The following NUFIP2 variants were observed in gnomAD, a reference collection of about 807,000 sequenced individuals.
The protein encoded by NUFIP2 is nuclear FMR1 interacting protein 2, also known as FMR1-interacting protein NUFIP2.
NUFIP2 carries 6 observed loss-of-function variants against 56.9 expected under a neutral mutation model. The ratio of observed to expected loss-of-function variants is 0.11; its 90% CI spans 0.06 to 0.21. The LOEUF is 0.21. NUFIP2 is among the 10% of genes least tolerant of loss of function. NUFIP2 has a pLI of 1.00. For synonymous variants in NUFIP2, 321 were observed against 298.2 expected (o/e 1.08, Z -0.79); for missense variants, 828 against 826.8 (o/e 1.00, Z -0.02).
At chr17:29,285,759 T>C (rs1220414610) in intron 2 of NUFIP2, among the ~76,000 whole-genome samples, 1 of 152,148 alleles carries the variant, frequency 6.6e-6, no homozygotes, top group Non-Finnish European at 1.5e-5. Flanking sequence ...GTAGGTCAAT[T>C]ATGTTTGTAT....
At chr17:29,285,948 A>G in intron 2 of NUFIP2, 44 bp downstream of exon 2, 1 of 1,412,474 alleles carries the variant, frequency 7.1e-7, no homozygotes, top group Non-Finnish European at 9.7e-7. Flanking sequence ...ACAATATACT[A>G]AATTGGCCAA....
chr17:29,289,643 T>C (rs1284871023), intron 1 of NUFIP2, among the ~76,000 whole-genome samples: 1 of 152,090 alleles, frequency 6.6e-6, no homozygotes, highest in Non-Finnish European at 1.5e-5. Flanking sequence ...TCCACACACA[T>C]TTAAGGCAGC....
At chr17:29,281,759 G>A (rs1342083555) in intron 2 of NUFIP2, among the ~76,000 whole-genome samples, 2 of 137,226 alleles carry the variant, frequency 1.5e-5, no homozygotes, top group Non-Finnish European at 3.1e-5. Context: ...CACAAATCCC[G>A]CCACCCCCCA....
At chr17:29,285,600 A>C (rs1304021019) in intron 2 of NUFIP2, among the ~76,000 whole-genome samples, 1 of 152,190 alleles carries the variant, frequency 6.6e-6, no homozygotes. Context: ...AAAGAAAAAA[A>C]ACACAAAACA....
At chr17:29,271,297 G>C (rs902470365) in intron 2 of NUFIP2, among the ~76,000 whole-genome samples, 1 of 152,162 alleles carries the variant, frequency 6.6e-6, no homozygotes, top group Non-Finnish European at 1.5e-5. Context: ...TCAGCACTTT[G>C]GGAGGCCGAG....
At chr17:29,273,237 C>A (rs1397752279) in intron 2 of NUFIP2, among the ~76,000 whole-genome samples, 1 of 152,166 alleles carries the variant, frequency 6.6e-6, no homozygotes, top group Non-Finnish European at 1.5e-5. Flanking sequence ...TGGGGTTTCA[C>A]CATACTGGCC....
intron 2 of NUFIP2, among the ~76,000 whole-genome samples, chr17:29,269,702 T>A (rs757079464): frequency 6.6e-6 from 1 of 151,890 alleles, no homozygotes. Context: ...GCTGGTCTAT[T>A]GGGCTCAAGC....
Position 29,286,521 on chromosome 17 carries a change from G to C in NUFIP2, c.1473C>G (p.Pro491=). 2 of 1,614,156 alleles carry C rather than the reference G, an allele frequency of 1.2e-6. No individual in the cohort carries two copies. Among genetic ancestry groups the C allele is most frequent in the African/African-American group, 1.3e-5 (1 of 75,036 alleles). The change falls in exon 2 of 4, where the codon CCC becomes CCG. Residue 491 remains proline, a synonymous_variant. Coordinates refer to ENST00000225388, the MANE Select transcript of NUFIP2 (RefSeq NM_020772.3). Reference sequence around the variant, plus strand: ...CCAGGTTTTGCTGATCTGTCTGAGAGGGCAGATCCACTTGTGCTGTGCTCA... The same window carrying C: ...CCAGGTTTTGCTGATCTGTCTGAGACGGCAGATCCACTTGTGCTGTGCTCA... ...MLLSTAQVDL[P]SQTDQQNLGD...
intron 2 of NUFIP2, among the ~76,000 whole-genome samples, chr17:29,281,122 C>T (rs1219578921): frequency 1.3e-5 from 2 of 149,122 alleles, no homozygotes; most frequent in Non-Finnish European, 3.0e-5. Flanking sequence ...TACACAGACA[C>T]CGTCACTATA....
intron 2 of NUFIP2, among the ~76,000 whole-genome samples, chr17:29,285,672 T>C (rs1165639046): frequency 2.0e-5 from 3 of 152,180 alleles, no homozygotes; most frequent in Admixed American, 2.0e-4. Flanking sequence ...AAAATTTTTT[T>C]TCAAGCACTC....
At chr17:29,289,629 A>C (rs2069198801) in intron 1 of NUFIP2, among the ~76,000 whole-genome samples, 1 of 152,162 alleles carries the variant, frequency 6.6e-6, no homozygotes, top group Non-Finnish European at 1.5e-5. Context: ...CAATAGAAGG[A>C]CACTCCACAC....
In NUFIP2 at chr17:29,285,975, G is replaced by A; in HGVS notation, c.2002+17C>T. The A allele has an allele frequency of 6.4e-7, 1 of 1,566,878 alleles. No individual in the cohort carries two copies. The highest frequency in any genetic ancestry group is 2.0e-5 in the Admixed American group (1 of 50,616). On this transcript the variant is annotated intron_variant, in intron 2 of 3. Coordinates refer to ENST00000225388, the MANE Select transcript of NUFIP2 (RefSeq NM_020772.3). ...ATTGGCCAATAAAAATCTTTGTATA[G>A]GAAACAAATGAGTTACCTTTAGTGT...
At chr17:29,273,867 A>G (rs1325070124) in intron 2 of NUFIP2, among the ~76,000 whole-genome samples, 1 of 152,222 alleles carries the variant, frequency 6.6e-6, no homozygotes, top group Non-Finnish European at 1.5e-5. Context: ...GACTTTCTAC[A>G]TAATACCTCC....
chr17:29,281,958 G>T (rs193054515), intron 2 of NUFIP2, among the ~76,000 whole-genome samples: 1 of 151,800 alleles, frequency 6.6e-6, no homozygotes, highest in Non-Finnish European at 1.5e-5. Flanking sequence ...TAGAGATGGG[G>T]TTTCACTGTT....
Position 29,287,404 on chromosome 17 carries a change from T to C in NUFIP2, c.590A>G (p.Tyr197Cys), listed in dbSNP as rs768487392. Residue 197 changes from tyrosine (Y) to cysteine (C), a missense_variant, in exon 2 of 4, where the codon TAT (tyrosine) becomes TGT (cysteine). By Grantham distance (194) the Tyr-to-Cys change is radical. Coordinates refer to ENST00000225388, the MANE Select transcript of NUFIP2 (RefSeq NM_020772.3). Reference protein sequence around the residue: ...PNGVVTNNSGYITNGYMGKGA... With the variant: ...PNGVVTNNSGCITNGYMGKGA... ...TTTACCCATATAACCATTAGTAATATAACCAGAATTATTTGTTACCACACC... is the reference window on the plus strand; with the variant it reads ...TTTACCCATATAACCATTAGTAATACAACCAGAATTATTTGTTACCACACC... 18 of 1,613,928 alleles carry C rather than the reference T, an allele frequency of 1.1e-5. No homozygotes were observed. Among genetic ancestry groups the C allele is most frequent in the Middle Eastern group, 3.3e-4 (2 of 6,084 alleles).
In NUFIP2 at chr17:29,261,268, CCACCTGA is replaced by C. The variant is rs1274238635; in HGVS notation, c.*3264_*3270del. ...AATACTACCCTTTTAAGGATTTAAACCACCTGACTTTTTTCTGTGTAATGAAAACAAA... is the reference window on the plus strand; with the variant it reads ...AATACTACCCTTTTAAGGATTTAAACCTTTTTTCTGTGTAATGAAAACAAA... On this transcript the variant is annotated 3_prime_UTR_variant, in exon 4 of 4. Coordinates refer to ENST00000225388, the MANE Select transcript of NUFIP2 (RefSeq NM_020772.3). The C allele has an allele frequency of 1.3e-5, 2 of 152,036 alleles. No homozygotes were observed. Among genetic ancestry groups the C allele is most frequent in the African/African-American group, 4.8e-5 (2 of 41,370 alleles). 9.4% of individuals were successfully genotyped at this position (152,036 alleles called of 1,614,324 possible).
At position 29,261,530 on chromosome 17, in the gene NUFIP2, T is replaced by G. The variant is rs1209472440; in HGVS notation, c.*3009A>C. 3 of 152,160 alleles carry G rather than the reference T, an allele frequency of 2.0e-5. No homozygotes were observed. Among genetic ancestry groups the G allele is most frequent in the Admixed American group, 1.3e-4 (2 of 15,266 alleles). The allele number at this position is 152,160 out of a possible 1,614,324, so 9.4% of individuals were successfully genotyped here. A position where few individuals can be genotyped will look rare whatever the true frequency, so the allele number is the denominator to read the frequency against. The stretch of plus-strand genomic sequence containing the variant: ...ACTAATACTCTGAGTTGAAGGAAAA[T>G]TCTTTATACCAAACAATAACACGTT... On this transcript the variant is annotated 3_prime_UTR_variant, in exon 4 of 4. Coordinates refer to ENST00000225388, the MANE Select transcript of NUFIP2 (RefSeq NM_020772.3).
In NUFIP2 at chr17:29,261,847, C is replaced by G. The variant is rs2069005020; in HGVS notation, c.*2692G>C. 1 of 152,574 alleles carries G rather than the reference C, an allele frequency of 6.6e-6. No homozygotes were observed. Among genetic ancestry groups the G allele is most frequent in the Admixed American group, 6.5e-5 (1 of 15,272 alleles). 9.5% of individuals were successfully genotyped at this position (152,574 alleles called of 1,614,324 possible). A position where few individuals can be genotyped will look rare whatever the true frequency, so the allele number is the denominator to read the frequency against. On this transcript the variant is annotated 3_prime_UTR_variant, in exon 4 of 4. Transcript: ENST00000225388. ...CTAGGGTTCTCAGAAAGTTAACAGA[C>G]ATTCCTAACTACATACCTCTAACCA...
In NUFIP2 at chr17:29,286,836, AGAT is replaced by A. The variant is rs1368966326; in HGVS notation, c.1155_1157del (p.Ser386del). 3 of 1,613,862 alleles carry A rather than the reference AGAT, an allele frequency of 1.9e-6. No individual in the cohort carries two copies. Among genetic ancestry groups the A allele is most frequent in the East Asian group, 2.2e-5 (1 of 44,876 alleles). On this transcript the variant is annotated inframe_deletion, in exon 2 of 4. Coordinates refer to ENST00000225388, the MANE Select transcript of NUFIP2 (RefSeq NM_020772.3). ...ATGATTGGGTCTGAGTTTCCCCGGT[AGAT>A]GATGAAGATGATGAAGATGAAGTTG...
Sources: allele counts gnomAD v4.1 joint callset (sites outside exome capture counted in the v4.1 genomes callset), GRCh38; gene constraint gnomAD v4.1.1; transcripts MANE v1.5; gene names NCBI Gene and HGNC (gene_info 2026-07-23, HGNC 2026-07-21).